CDH22: variants seen among roughly 807,000 people sequenced by gnomAD.
CDH22 encodes cadherin-22.
Under a neutral mutation model 58.4 loss-of-function variants are expected in CDH22, and 30 were observed. The observed-to-expected ratio is 0.51, with a 90% CI of 0.38 to 0.70. The LOEUF is 0.70. Ranked by LOEUF, CDH22 falls within the 30% of genes least tolerant of loss-of-function variation. The pLI is 0.00. For synonymous variants in CDH22, 513 were observed against 558.2 expected (o/e 0.92, Z 1.14); for missense variants, 1,014 against 1,233.9 (o/e 0.82, Z 2.67).
At chr20:46,297,910 G>T (rs1484369861) in intron 1 of CDH22, among the ~76,000 whole-genome samples, 1 of 151,952 alleles carries the variant, frequency 6.6e-6, no homozygotes, top group Non-Finnish European at 1.5e-5. Flanking sequence ...ACAGCCCTGT[G>T]CCCCTGATGG....
intron 1 of CDH22, among the ~76,000 whole-genome samples, chr20:46,258,601 T>G (rs2086417491): frequency 6.6e-6 from 1 of 152,178 alleles, no homozygotes; most frequent in African/African-American, 2.4e-5. Flanking sequence ...GGCAGATCCT[T>G]GCTGCTCCTG....
intron 10 of CDH22, among the ~76,000 whole-genome samples, chr20:46,181,171 C>T (rs926612390): frequency 2.0e-5 from 3 of 152,178 alleles, no homozygotes; most frequent in Admixed American, 2.0e-4. Context: ...GCTGCTGGTC[C>T]TGGATCAGAG....
intron 1 of CDH22, among the ~76,000 whole-genome samples, chr20:46,260,709 T>C (rs2086429171): frequency 6.6e-6 from 1 of 152,342 alleles, no homozygotes; most frequent in South Asian, 2.1e-4. Flanking sequence ...GGCCAGCATG[T>C]CCTTTCTTGA....
chr20:46,274,595 GA>G (rs1415985266), intron 1 of CDH22, among the ~76,000 whole-genome samples: 11 of 152,150 alleles, frequency 7.2e-5, no homozygotes, highest in Non-Finnish European at 1.2e-4. Flanking sequence ...CAAGAGAAAT[GA>G]AAACATATGT....
chr20:46,217,776 A>G (rs1028003453), intron 4 of CDH22, among the ~76,000 whole-genome samples: 3 of 151,940 alleles, frequency 2.0e-5, no homozygotes, highest in Non-Finnish European at 2.9e-5. Flanking sequence ...TACACACTCA[A>G]TGATCCACAC....
chr20:46,288,392 G>C (rs1301268745), intron 1 of CDH22, among the ~76,000 whole-genome samples: 2 of 152,090 alleles, frequency 1.3e-5, no homozygotes, highest in Non-Finnish European at 2.9e-5. Context: ...GAAGGCCCCA[G>C]AGGGTAGTCC....
chr20:46,193,137 C>T (rs11087001), intron 8 of CDH22, among the ~76,000 whole-genome samples: 7,274 of 152,150 alleles, frequency 0.048, 556 homozygotes, highest in East Asian at 0.38. Context: ...ACTTTCCTTC[C>T]CCAGTGGCTG....
At chr20:46,257,311 A>T (rs1175030836) in intron 1 of CDH22, among the ~76,000 whole-genome samples, 1 of 152,088 alleles carries the variant, frequency 6.6e-6, no homozygotes, top group Admixed American at 6.6e-5. Context: ...AGAAAAAAAA[A>T]AAAAATCATG....
At position 46,175,089 on chromosome 20, in the gene CDH22, A is replaced by T. The variant is rs747175759; in HGVS notation, c.1916-12T>A. 1.3e-6 allele frequency: 2 copies of T among 1,573,278 alleles called. No homozygotes were observed. The highest frequency in any genetic ancestry group is 1.4e-5 in the African/African-American group (1 of 72,174). On this transcript the variant is annotated splice_polypyrimidine_tract_variant and intron_variant, in intron 11 of 11. Coordinates refer to ENST00000537909, the MANE Select transcript of CDH22 (RefSeq NM_021248.3). ...CAGCAGCACCAGCACTGCGAGGGGG[A>T]CAGAGGGGGCAACTGAGGGCCAAGC...
intron 2 of CDH22, among the ~76,000 whole-genome samples, chr20:46,249,326 C>A (rs2086353596): frequency 6.6e-6 from 1 of 152,220 alleles, no homozygotes; most frequent in Non-Finnish European, 1.5e-5. Context: ...CCATCTCCCA[C>A]ACCTGTCTGG....
At chr20:46,209,827 GT>G (rs3092332) in intron 7 of CDH22, 12,735 of 153,438 alleles carry the variant, frequency 0.083, 686 homozygotes, top group Middle Eastern at 0.14. Flanking sequence ...AAACTGGTGG[GT>G]TTTTTTTTTC....
chr20:46,295,547 G>T (rs1458962386), intron 1 of CDH22, among the ~76,000 whole-genome samples: 1 of 152,174 alleles, frequency 6.6e-6, no homozygotes, highest in Non-Finnish European at 1.5e-5. Context: ...CTTTACAGAT[G>T]GGGAAACTGA....
chr20:46,192,576 G>A (rs2065215360), intron 8 of CDH22, among the ~76,000 whole-genome samples: 1 of 151,866 alleles, frequency 6.6e-6, no homozygotes, highest in Non-Finnish European at 1.5e-5. Context: ...AGTGGGGGGT[G>A]GAGTGGGAGG....
At chr20:46,253,271 T>C (rs2086389903) in intron 1 of CDH22, among the ~76,000 whole-genome samples, 1 of 152,238 alleles carries the variant, frequency 6.6e-6, no homozygotes, top group African/African-American at 2.4e-5. Context: ...CCAGTGCTTT[T>C]TTTTCTAGCA....
chr20:46,210,296 G>A lies in CDH22; in HGVS notation c.1286+11C>T. On this transcript the variant is annotated intron_variant, in intron 7 of 11. Transcript: ENST00000537909. The surrounding 1 kb of genome is among the most constrained non-coding windows in gnomAD (Gnocchi z 4.5). ...CAGGCAGCAGGCGTCGGCCCCGGGC[G>A]GGGGTCTCACCGGACGGGCCGGTTG... 5.0e-6 allele frequency: 7 copies of A among 1,402,426 alleles called. No individual in the cohort carries two copies. The highest frequency in any genetic ancestry group is 1.5e-5 in the South Asian group (1 of 66,324). The allele number at this position is 1,402,426 out of a possible 1,614,324, so 86.9% of individuals were successfully genotyped here. A position where few individuals can be genotyped will look rare whatever the true frequency, so the allele number is the denominator to read the frequency against.
chr20:46,185,007 C>A (rs1259388492), intron 10 of CDH22, among the ~76,000 whole-genome samples: 1 of 151,946 alleles, frequency 6.6e-6, no homozygotes, highest in Non-Finnish European at 1.5e-5. Context: ...AATCTCTTGA[C>A]CCTGGGAGGC....
intron 3 of CDH22, among the ~76,000 whole-genome samples, chr20:46,234,402 T>C (rs1271370893): frequency 6.6e-6 from 1 of 152,232 alleles, no homozygotes; most frequent in Non-Finnish European, 1.5e-5. Flanking sequence ...ATTTATTTTT[T>C]CATTAGTAAC....
intron 3 of CDH22, among the ~76,000 whole-genome samples, chr20:46,236,627 A>C (rs2086254937): frequency 7.3e-6 from 1 of 137,538 alleles, no homozygotes; most frequent in Non-Finnish European, 1.5e-5. Context: ...TAATATCTAT[A>C]TTTGTATATA....
intron 10 of CDH22, among the ~76,000 whole-genome samples, chr20:46,184,803 T>C (rs1341148264): frequency 6.6e-6 from 1 of 152,150 alleles, no homozygotes; most frequent in East Asian, 1.9e-4. Context: ...TTTTAGATGA[T>C]GAAACTGAGG....
Sources: allele counts gnomAD v4.1 joint callset (sites outside exome capture counted in the v4.1 genomes callset), GRCh38; gene constraint gnomAD v4.1.1; non-coding constraint Gnocchi (gnomAD v3.1); transcripts MANE v1.5; gene names NCBI Gene and HGNC (gene_info 2026-07-23, HGNC 2026-07-21).